The following ARHGEF28 variants were observed in gnomAD, a reference collection of about 807,000 sequenced individuals.
The protein encoded by ARHGEF28 is Rho guanine nucleotide exchange factor 28.
A neutral mutation model predicts 206.6 loss-of-function variants in ARHGEF28; 152 were observed. The ratio of observed to expected loss-of-function variants is 0.74; its 90% CI spans 0.64 to 0.84. The LOEUF is 0.84. Among genes scored for constraint, ARHGEF28 ranks in the 40% least tolerant of loss-of-function variants. ARHGEF28 has a pLI of 0.00. For synonymous variants in ARHGEF28, 763 were observed against 776.4 expected (o/e 0.98, Z 0.29); for missense variants, 2,028 against 2,073.2 (o/e 0.98, Z 0.42).
At chr5:73,927,763 AG>A (rs1230216479) in intron 35 of ARHGEF28, among the ~76,000 whole-genome samples, 2 of 152,218 alleles carry the variant, frequency 1.3e-5, no homozygotes. Flanking sequence ...AAAATGTTTA[AG>A]TTTAATTTCT....
In ARHGEF28 at chr5:73,804,745, G is replaced by A. The variant is rs1755341853; in HGVS notation, c.1024+9354G>A. Among the ~76,000 whole-genome samples the A allele has an allele frequency of 2.0e-5, 3 of 151,946 alleles. No homozygotes were observed. In the South Asian group the frequency reaches 6.2e-4, roughly 32 times the overall value. ...CACTGAGAATTATGGGTTTTGGGAA[G>A]AAGACCCAAAGGTAAAGTGCTGTTT... On this transcript the variant is annotated intron_variant, in intron 9 of 35. Coordinates refer to ENST00000513042, the MANE Select transcript of ARHGEF28 (RefSeq NM_001177693.2).
intron 12 of ARHGEF28, among the ~76,000 whole-genome samples, chr5:73,848,326 C>T (rs1034799411): frequency 5.9e-5 from 9 of 151,974 alleles, no homozygotes; most frequent in African/African-American, 1.7e-4. Flanking sequence ...GGAACAAAAC[C>T]GGCAAGTCAT....
intron 34 of ARHGEF28, among the ~76,000 whole-genome samples, 191 bp from the exon 35 acceptor site, chr5:73,911,083 GC>G (rs1260047810): frequency 6.6e-6 from 1 of 152,160 alleles, no homozygotes; most frequent in Non-Finnish European, 1.5e-5. Context: ...GATATGCCAT[GC>G]ATAGCAAATT....
At chr5:73,799,143 A>G (rs1275741003) in intron 9 of ARHGEF28, among the ~76,000 whole-genome samples, 2 of 152,124 alleles carry the variant, frequency 1.3e-5, no homozygotes, top group Non-Finnish European at 2.9e-5. Context: ...ATCATATTTA[A>G]TGCCATTTAC....
intron 4 of ARHGEF28, among the ~76,000 whole-genome samples, chr5:73,769,577 A>C (rs1561391142): frequency 6.6e-6 from 1 of 152,202 alleles, no homozygotes; most frequent in Admixed American, 6.5e-5. Context: ...TTGCACTGCA[A>C]TTTATTCCAT....
Position 73,792,849 on chromosome 5 carries a change from T to A in ARHGEF28, c.911-1553T>A, listed in dbSNP as rs999392186. ...TAATTTTAACTATGTGTTTTGGACTTTGGCACTTGAAAGCAGGTCCTTGAA... is the reference window on the plus strand; with the variant it reads ...TAATTTTAACTATGTGTTTTGGACTATGGCACTTGAAAGCAGGTCCTTGAA... On this transcript the variant is annotated intron_variant, in intron 7 of 35. Transcript: ENST00000513042. Among the ~76,000 whole-genome samples the A allele has an allele frequency of 8.5e-5, 13 of 152,182 alleles. No individual in the cohort carries two copies. The South Asian group carries it at 2.5e-3, about 29-fold the overall frequency.
intron 2 of ARHGEF28, among the ~76,000 whole-genome samples, chr5:73,715,571 T>A (rs1057279692): frequency 6.6e-6 from 1 of 152,326 alleles, no homozygotes; most frequent in African/African-American, 2.4e-5. Context: ...AAAAGGCAAA[T>A]GTCTACAATA....
chr5:73,756,775 C>A (rs1328651641), intron 4 of ARHGEF28, among the ~76,000 whole-genome samples: 1 of 152,110 alleles, frequency 6.6e-6, no homozygotes, highest in Non-Finnish European at 1.5e-5. Flanking sequence ...AATATAAATT[C>A]TTCTGTGTCA....
At chr5:73,734,418 C>T (rs1750793714) in intron 2 of ARHGEF28, among the ~76,000 whole-genome samples, 1 of 152,072 alleles carries the variant, frequency 6.6e-6, no homozygotes, top group African/African-American at 2.4e-5. Flanking sequence ...CTGAGGATTT[C>T]ACTTCAGGGT....
chr5:73,670,857 AT>A (rs1445070957), intron 1 of ARHGEF28, among the ~76,000 whole-genome samples: 2 of 152,116 alleles, frequency 1.3e-5, no homozygotes, highest in South Asian at 2.1e-4. Flanking sequence ...TATATTTTGC[AT>A]ACTAGCCCTT....
intron 31 of ARHGEF28, chr5:73,902,357 AAG>A (rs1420427502): frequency 5.3e-5 from 8 of 152,310 alleles, no homozygotes; most frequent in African/African-American, 1.4e-4. Flanking sequence ...GTTAATAGAA[AAG>A]AGAGAGTGAA....
At chr5:73,882,738 G>C (rs909096243) in intron 23 of ARHGEF28, 144 bp downstream of exon 23, 2 of 771,366 alleles carry the variant, frequency 2.6e-6, no homozygotes, top group East Asian at 6.7e-5. Flanking sequence ...TTGTGACAAA[G>C]GTGGAAAGTC....
chr5:73,655,801 T>C (rs1288243975), intron 1 of ARHGEF28, among the ~76,000 whole-genome samples: 1 of 152,202 alleles, frequency 6.6e-6, no homozygotes, highest in East Asian at 1.9e-4. Flanking sequence ...TGTTTTTCTT[T>C]GGAAAATAAT....
At chr5:73,861,796 G>A (rs72772540) in intron 16 of ARHGEF28, among the ~76,000 whole-genome samples, 17,953 of 150,388 alleles carry the variant, frequency 0.12, 1,166 homozygotes, top group African/African-American at 0.16. Flanking sequence ...GTCAAAGTGT[G>A]TATTTGATTT....
At chr5:73,723,824 G>A (rs1750115916) in intron 2 of ARHGEF28, among the ~76,000 whole-genome samples, 1 of 152,174 alleles carries the variant, frequency 6.6e-6, no homozygotes, top group African/African-American at 2.4e-5. Flanking sequence ...ATTTATCCAT[G>A]CATTAATTGG....
intron 1 of ARHGEF28, among the ~76,000 whole-genome samples, chr5:73,638,640 T>G (rs2112133029): frequency 6.6e-6 from 1 of 152,304 alleles, no homozygotes; most frequent in South Asian, 2.1e-4. Flanking sequence ...TACATACTGG[T>G]TTTTATTTAT....
chr5:73,689,864 G>T (rs966755416), intron 2 of ARHGEF28, among the ~76,000 whole-genome samples: 2 of 152,068 alleles, frequency 1.3e-5, no homozygotes, highest in Non-Finnish European at 2.9e-5. Flanking sequence ...GTATTAGGAG[G>T]TGTATTTTAA....
intron 23 of ARHGEF28, 36 bp from the exon 24 acceptor site, chr5:73,883,731 T>C: frequency 2.9e-6 from 4 of 1,368,938 alleles, no homozygotes; most frequent in Non-Finnish European, 4.0e-6. Context: ...TAAATACAGG[T>C]AGAATTTGTG....
chr5:73,784,197 T>TCTAAGTAG (rs1163306241), intron 7 of ARHGEF28, among the ~76,000 whole-genome samples: 126 of 152,164 alleles, frequency 8.3e-4, no homozygotes, highest in African/African-American at 3.0e-3. Context: ...CTTAGTAGAT[T>TCTAAGTAG]ATGCTTTTCT....
Sources: gnomAD v4.1 joint callset for allele counts (sites outside exome capture counted in the v4.1 genomes callset) on GRCh38, gnomAD v4.1.1 for gene constraint, MANE v1.5 for transcripts, NCBI Gene and HGNC (gene_info 2026-07-23, HGNC 2026-07-21) for gene names.